CDH3: variants seen among roughly 807,000 people sequenced by gnomAD.
CDH3 encodes cadherin-3.
Under a neutral mutation model 82.0 loss-of-function variants are expected in CDH3, and 54 were observed. The ratio of observed to expected loss-of-function variants is 0.66; its 90% confidence interval spans 0.53 to 0.83. The LOEUF (loss-of-function observed/expected upper bound fraction) is 0.83, where lower values mean the gene tolerates loss of function less well. Ranked by LOEUF, CDH3 falls within the 40% of genes least tolerant of loss-of-function variation. CDH3 has a pLI of 0.00. For missense variants in CDH3, 1,054 were observed against 1,084.6 expected (o/e 0.97, Z 0.40); for synonymous variants, 446 against 437.9 (o/e 1.02, Z -0.23).
At chr16:68,701,012 G>A (rs1961886057), downstream of CDH3, among the ~76,000 whole-genome samples, 1 of 152,122 alleles carries the variant, frequency 6.6e-6, no homozygotes, top group Non-Finnish European at 1.5e-5. Flanking sequence ...GGAGGATTGG[G>A]TGTCTCTGCT....
chr16:68,697,141 G>A lies in CDH3; in HGVS notation c.2281-1050G>A, dbSNP rs374458789. On this transcript the variant is annotated intron_variant, in intron 15 of 15. Transcript: ENST00000264012. ...AGATTGAGACTATCCTGGCCAACAT[G>A]GTAAAACCCTGTCTCTACTAAAAAT... Among the ~76,000 whole-genome samples the A allele has an allele frequency of 6.4e-3, 970 of 151,778 alleles. 19 individuals carry two copies. Among genetic ancestry groups the A allele is most frequent in the African/African-American group, 0.022 (908 of 41,376 alleles).
chr16:68,645,802 G>A, intron 2 of CDH3, 52 bp downstream of exon 2: 1 of 1,377,266 alleles, frequency 7.3e-7, no homozygotes, highest in Non-Finnish European at 1.0e-6. Context: ...TGACCATTTT[G>A]GTGTGGACCG....
chr16:68,706,544 C>CTTTTTTTTTTTT (rs34364461), intron 1 of CDH3, among the ~76,000 whole-genome samples: 1 of 81,628 alleles, frequency 1.2e-5, no homozygotes, highest in Non-Finnish European at 2.3e-5. Context: ...GTCACATTTC[C>CTTTTTTTTTTTT]TTTTTTTTTT....
chr16:68,682,275 A>G (rs1479112742), intron 8 of CDH3, 27 bp from the exon 9 acceptor site: 2 of 1,609,094 alleles, frequency 1.2e-6, no homozygotes, highest in Non-Finnish European at 8.5e-7. Flanking sequence ...CTCTGCTCTG[A>G]TAGTGCTGTG....
At chr16:68,683,283 G>A (rs980645361) in intron 9 of CDH3, among the ~76,000 whole-genome samples, 1 of 152,110 alleles carries the variant, frequency 6.6e-6, no homozygotes, top group African/African-American at 2.4e-5. Flanking sequence ...TAAATGATGT[G>A]AAATGAAGTT....
chr16:68,720,190 A>G (rs1962144759), intron 1 of CDH3, among the ~76,000 whole-genome samples: 1 of 151,824 alleles, frequency 6.6e-6, no homozygotes, highest in Middle Eastern at 3.2e-3. Flanking sequence ...AAAACAAAAA[A>G]CCTCACAGAA....
chr16:68,716,447 C>T (rs920235324), intron 1 of CDH3, among the ~76,000 whole-genome samples: 3 of 151,234 alleles, frequency 2.0e-5, no homozygotes, highest in African/African-American at 7.3e-5. Context: ...ATATCGAGAC[C>T]CTCATCTCTA....
At chr16:68,692,591 A>G (rs1050018379) in intron 13 of CDH3, among the ~76,000 whole-genome samples, 6 of 152,186 alleles carry the variant, frequency 3.9e-5, no homozygotes, top group African/African-American at 1.4e-4. Context: ...AAATTTAGGA[A>G]TAGAACCCAG....
downstream of CDH3, among the ~76,000 whole-genome samples, chr16:68,732,463 C>T (rs1470388326): frequency 6.6e-6 from 1 of 152,220 alleles, no homozygotes; most frequent in Non-Finnish European, 1.5e-5. Context: ...AAAGTCTGTC[C>T]TCTGCCATAA....
intron 2 of CDH3, among the ~76,000 whole-genome samples, chr16:68,675,161 G>C (rs975994657): frequency 1.3e-5 from 2 of 151,998 alleles, no homozygotes; most frequent in African/African-American, 4.8e-5. Context: ...ACCCTCATCT[G>C]TTATCCTTTC....
intron 2 of CDH3, among the ~76,000 whole-genome samples, chr16:68,725,555 G>T (rs925819398): frequency 6.6e-6 from 1 of 151,770 alleles, no homozygotes; most frequent in East Asian, 2.0e-4. Context: ...GGATGGTCTC[G>T]ATCTCCTGAC....
At chr16:68,684,982 T>G (rs549526497) in intron 10 of CDH3, among the ~76,000 whole-genome samples, 158 bp downstream of exon 10, 2 of 152,188 alleles carry the variant, frequency 1.3e-5, no homozygotes, top group Non-Finnish European at 2.9e-5. Context: ...GGCTGAAGAC[T>G]GAATAGGGGT....
chr16:68,652,366 C>T (rs1567436369), intron 2 of CDH3, among the ~76,000 whole-genome samples: 1 of 152,068 alleles, frequency 6.6e-6, no homozygotes, highest in Non-Finnish European at 1.5e-5. Flanking sequence ...CACTGTGTTC[C>T]TAGGTTACCC....
Position 68,698,729 on chromosome 16 carries a change from AC to A in CDH3, c.*330del. Reference sequence around the variant, plus strand: ...GCCTGCTGTGACTGACCTACAGTGGACTTTCTCTCTGGAATGGAACCTTCTT... The same window carrying A: ...GCCTGCTGTGACTGACCTACAGTGGATTTCTCTCTGGAATGGAACCTTCTT... On this transcript the variant is annotated 3_prime_UTR_variant, in exon 16 of 16. Coordinates refer to ENST00000264012, the MANE Select transcript of CDH3 (RefSeq NM_001793.6). 1 of 319,382 alleles carries A rather than the reference AC, an allele frequency of 3.1e-6. No individual in the cohort carries two copies. The highest frequency in any genetic ancestry group is 5.8e-6 in the Non-Finnish European group (1 of 173,228). 19.8% of individuals were successfully genotyped at this position (319,382 alleles called of 1,614,324 possible).
chr16:68,664,108 T>A (rs1960673659), intron 2 of CDH3, among the ~76,000 whole-genome samples: 1 of 152,124 alleles, frequency 6.6e-6, no homozygotes, highest in African/African-American at 2.4e-5. Flanking sequence ...GCCCAGGCAC[T>A]CTGGCTCCAG....
At chr16:68,705,571 G>A (rs1184608885) in intron 1 of CDH3, among the ~76,000 whole-genome samples, 1 of 151,812 alleles carries the variant, frequency 6.6e-6, no homozygotes, top group African/African-American at 2.4e-5. Flanking sequence ...ACAGGCGCAT[G>A]CCACCATGCC....
intron 1 of CDH3, among the ~76,000 whole-genome samples, chr16:68,713,247 CCT>C (rs1417735755): frequency 1.3e-5 from 2 of 152,154 alleles, no homozygotes; most frequent in Non-Finnish European, 2.9e-5. Context: ...TATGTCTCCC[CCT>C]GTCTCTTTTG....
intron 2 of CDH3, chr16:68,651,243 G>T (rs576842064): frequency 5.6e-6 from 3 of 535,564 alleles, no homozygotes; most frequent in South Asian, 1.4e-5. Context: ...TGTCATACTT[G>T]TTGGTGCCCA....
intron 11 of CDH3, chr16:68,686,508 C>A: frequency 8.8e-7 from 1 of 1,134,652 alleles, no homozygotes; most frequent in South Asian, 1.2e-5. Flanking sequence ...AGTATTGCAG[C>A]AACAGTAGTT....
Sources: allele counts gnomAD v4.1 joint callset (sites outside exome capture counted in the v4.1 genomes callset), GRCh38; gene constraint gnomAD v4.1.1; transcripts MANE v1.5; gene names NCBI Gene and HGNC (gene_info 2026-07-23, HGNC 2026-07-21).